Variants in ASTN2 observed in about 807,000 individuals in gnomAD.
The protein encoded by ASTN2 is astrotactin-2.
In ASTN2, 54 loss-of-function variants were observed where a neutral mutation model predicts 139.8. That is an observed-to-expected ratio of 0.39 (90% confidence interval 0.31 to 0.48). The LOEUF is 0.48. Among genes scored for constraint, ASTN2 ranks in the 20% least tolerant of loss-of-function variants. ASTN2 has a pLI of 0.95. For missense variants in ASTN2, 1,565 were observed against 1,725.1 expected, an observed-to-expected ratio of 0.91 and a Z score of 1.64; for synonymous variants, 756 against 719.5, an observed-to-expected ratio of 1.05 and a Z score of -0.81.
chr9:117,005,787 C>G (rs1324076522), intron 7 of ASTN2, among the ~76,000 whole-genome samples: 1 of 152,130 alleles, frequency 6.6e-6, no homozygotes, highest in Non-Finnish European at 1.5e-5. Context: ...TTCTTCACTC[C>G]TGTCTTGCTT....
At chr9:116,896,983 T>C (rs996619337) in intron 10 of ASTN2, among the ~76,000 whole-genome samples, 3 of 152,158 alleles carry the variant, frequency 2.0e-5, no homozygotes, top group Admixed American at 6.5e-5. Flanking sequence ...CTCGTTATGG[T>C]CTCTCTGAGA....
At chr9:116,911,843 A>C (rs2132421833) in intron 10 of ASTN2, among the ~76,000 whole-genome samples, 1 of 152,300 alleles carries the variant, frequency 6.6e-6, no homozygotes, top group South Asian at 2.1e-4. Context: ...CAGTGAGCCA[A>C]GATTGCGCCA....
chr9:117,281,001 A>T (rs1386675054), intron 2 of ASTN2, among the ~76,000 whole-genome samples: 3 of 152,298 alleles, frequency 2.0e-5, no homozygotes, highest in Non-Finnish European at 4.4e-5. Flanking sequence ...TTCTACTGTA[A>T]GAAAGAGCAA....
intron 1 of ASTN2, among the ~76,000 whole-genome samples, chr9:117,347,822 A>C (rs184435480): frequency 6.6e-6 from 1 of 152,336 alleles, no homozygotes; most frequent in Admixed American, 6.5e-5. Flanking sequence ...CAAAGTCCCC[A>C]GCACTGGATG....
At chr9:117,002,645 T>A (rs1025993234) in intron 7 of ASTN2, among the ~76,000 whole-genome samples, 27 of 152,230 alleles carry the variant, frequency 1.8e-4, no homozygotes, top group African/African-American at 5.8e-4. Context: ...ATACAATTGT[T>A]TCAAGAAGCA....
intron 5 of ASTN2, among the ~76,000 whole-genome samples, chr9:117,070,163 G>A (rs10817992): frequency 2.2e-5 from 3 of 133,956 alleles, no homozygotes; most frequent in Non-Finnish European, 4.8e-5. Flanking sequence ...GTTCCTTTCC[G>A]TGTTTAGTGC....
rs537186724 is a variant in ASTN2 at position 117,222,915 on chromosome 9, T to C, written c.631-8173A>G. Among the ~76,000 whole-genome samples, 3 of 152,198 alleles carry C rather than the reference T, an allele frequency of 2.0e-5. No homozygotes were observed. The East Asian group carries it at 5.8e-4, about 29-fold the overall frequency. On this transcript the variant is annotated intron_variant, in intron 2 of 22. Coordinates refer to ENST00000313400, the MANE Select transcript of ASTN2 (RefSeq NM_001365068.1). ...AAGGAGACTCAGAAGAGAAACTGCT[T>C]AAAACCATACAACCAAGTAGAAAAC...
intron 16 of ASTN2, among the ~76,000 whole-genome samples, chr9:116,682,800 C>G (rs1295412663): frequency 6.6e-6 from 1 of 152,026 alleles, no homozygotes; most frequent in Non-Finnish European, 1.5e-5. Flanking sequence ...ACCGCATATT[C>G]TCACTCATAG....
chr9:116,881,020 C>T (rs544467540), intron 10 of ASTN2, among the ~76,000 whole-genome samples: 1 of 152,106 alleles, frequency 6.6e-6, no homozygotes, highest in South Asian at 2.1e-4. Context: ...GAAGAGGTAG[C>T]CACACATGGA....
intron 1 of ASTN2, among the ~76,000 whole-genome samples, chr9:117,353,958 A>G (rs1829463465): frequency 1.3e-5 from 2 of 152,304 alleles, no homozygotes; most frequent in South Asian, 4.1e-4. Flanking sequence ...ACCATTCTGT[A>G]TGAATAACAG....
chr9:116,627,749 C>T (rs1333876964), intron 17 of ASTN2, among the ~76,000 whole-genome samples: 5 of 152,162 alleles, frequency 3.3e-5, no homozygotes. Context: ...CCACTACAAC[C>T]ATAAGCAATG....
chr9:116,463,908 G>GTTTTT (rs71502069), intron 20 of ASTN2, among the ~76,000 whole-genome samples: 16,562 of 115,348 alleles, frequency 0.14, 1,462 homozygotes, highest in Non-Finnish European at 0.21. Flanking sequence ...AGAGTTTTGT[G>GTTTTT]TTTTTTTTTT....
chr9:117,343,270 T>C (rs1829115484), intron 1 of ASTN2, among the ~76,000 whole-genome samples: 1 of 152,196 alleles, frequency 6.6e-6, no homozygotes, highest in African/African-American at 2.4e-5. Flanking sequence ...CAAATCTCCC[T>C]CTGCTTCCCT....
chr9:116,864,776 C>T (rs897746566), intron 10 of ASTN2, among the ~76,000 whole-genome samples: 1 of 152,128 alleles, frequency 6.6e-6, no homozygotes, highest in Admixed American at 6.5e-5. Context: ...GGTGTCTCTG[C>T]ACCATCTTGC....
intron 1 of ASTN2, among the ~76,000 whole-genome samples, chr9:117,350,606 A>G (rs1829359030): frequency 6.6e-6 from 1 of 151,892 alleles, no homozygotes; most frequent in Non-Finnish European, 1.5e-5. Context: ...GAAAAGAAAA[A>G]TCAGAGACAG....
intron 1 of ASTN2, among the ~76,000 whole-genome samples, chr9:117,302,398 T>C (rs554778309): frequency 3.5e-3 from 528 of 152,264 alleles, no homozygotes; most frequent in African/African-American, 0.012. Context: ...AGTGTTCTTC[T>C]GATCTCATTG....
chr9:117,177,346 T>C (rs934615007), intron 3 of ASTN2, among the ~76,000 whole-genome samples: 7 of 152,200 alleles, frequency 4.6e-5, no homozygotes, highest in African/African-American at 1.4e-4. Context: ...TTAAATAACT[T>C]GACTCAGTCC....
At chr9:116,949,327 G>A (rs1673611713) in intron 10 of ASTN2, among the ~76,000 whole-genome samples, 1 of 151,862 alleles carries the variant, frequency 6.6e-6, no homozygotes. Flanking sequence ...GCTTCTAAGT[G>A]ATATAAACTG....
At chr9:116,790,389 G>T (rs1338736305) in intron 13 of ASTN2, among the ~76,000 whole-genome samples, 2 of 152,038 alleles carry the variant, frequency 1.3e-5, no homozygotes, top group Non-Finnish European at 2.9e-5. Context: ...TGCTTACATA[G>T]CCTTTCCTGT....
Sources: allele counts gnomAD v4.1 joint callset (sites outside exome capture counted in the v4.1 genomes callset), GRCh38; gene constraint gnomAD v4.1.1; transcripts MANE v1.5; gene names NCBI Gene and HGNC (gene_info 2026-07-23, HGNC 2026-07-21).